The following RSRC1 variants were observed in gnomAD, a reference collection of about 807,000 sequenced individuals.
RSRC1 encodes serine/Arginine-related protein 53.
Under a neutral mutation model 49.1 loss-of-function variants are expected in RSRC1, and 39 were observed. The ratio of observed to expected loss-of-function variants is 0.79; its 90% CI spans 0.61 to 1.04. The LOEUF is 1.04. RSRC1 is among the 50% of genes least tolerant of loss of function. The pLI, the probability that RSRC1 is intolerant of heterozygous loss-of-function variation, is 0.00. For missense variants in RSRC1, 388 were observed against 402.4 expected, an observed-to-expected ratio of 0.96 and a Z score of 0.31; for synonymous variants, 143 against 130.8, an observed-to-expected ratio of 1.09 and a Z score of -0.63.
At chr3:158,247,563 G>A (rs966053818) in intron 4 of RSRC1, among the ~76,000 whole-genome samples, 1 of 152,064 alleles carries the variant, frequency 6.6e-6, no homozygotes, top group Admixed American at 6.6e-5. Context: ...CTGACCTTTG[G>A]ATGGGGTTTT....
chr3:158,469,418 G>T (rs1458639314), intron 7 of RSRC1: 2 of 436,918 alleles, frequency 4.6e-6, no homozygotes, highest in South Asian at 1.7e-5. Context: ...TATGATTCCT[G>T]TCTGTGGAAT....
chr3:158,509,744 A>G (rs1435890866), intron 7 of RSRC1, among the ~76,000 whole-genome samples: 1 of 152,236 alleles, frequency 6.6e-6, no homozygotes, highest in Non-Finnish European at 1.5e-5. Flanking sequence ...ATGGTATACC[A>G]TAGTGATAGT....
chr3:158,373,745 C>T (rs1732207068), intron 6 of RSRC1, among the ~76,000 whole-genome samples: 1 of 151,878 alleles, frequency 6.6e-6, no homozygotes, highest in South Asian at 2.1e-4. Flanking sequence ...ACCTTGTATT[C>T]CCCTGTAACT....
chr3:158,354,896 C>A lies in RSRC1; in HGVS notation c.571C>A (p.Leu191Ile). 1 of 1,541,086 alleles carries A rather than the reference C, an allele frequency of 6.5e-7. No homozygotes were observed. The highest frequency in any genetic ancestry group is 1.3e-5 in the South Asian group (1 of 79,966). ...GGCCAAAGCCAGACTACAGCTGGTTCTTGAAGCTGCTGGTAAGTGTTGATA... is the reference window on the plus strand; with the variant it reads ...GGCCAAAGCCAGACTACAGCTGGTTATTGAAGCTGCTGGTAAGTGTTGATA... Reference protein sequence around the residue: ...EQAKARLQLVLEAAAKADEAL... With the variant: ...EQAKARLQLVIEAAAKADEAL... The change falls in exon 6 of 10, where the codon CTT becomes ATT. Residue 191 changes from leucine (L) to isoleucine (I), a missense_variant. Transcript: ENST00000611884.
chr3:158,268,682 A>G (rs1725341591), intron 4 of RSRC1, among the ~76,000 whole-genome samples: 1 of 152,122 alleles, frequency 6.6e-6, no homozygotes, highest in African/African-American at 2.4e-5. Flanking sequence ...ATTTTTTACC[A>G]TGTTACTTAG....
intron 5 of RSRC1, among the ~76,000 whole-genome samples, chr3:158,304,443 C>T (rs1300125471): frequency 6.6e-6 from 1 of 152,038 alleles, no homozygotes; most frequent in Non-Finnish European, 1.5e-5. Flanking sequence ...ACAACATGAG[C>T]TAGAAAATGC....
At chr3:158,420,769 A>G (rs768999884) in intron 6 of RSRC1, among the ~76,000 whole-genome samples, 2 of 151,950 alleles carry the variant, frequency 1.3e-5, no homozygotes, top group African/African-American at 2.4e-5. Context: ...CAACAAAAAT[A>G]TAAAATAGCT....
At chr3:158,424,995 G>A (rs868685487) in intron 6 of RSRC1, among the ~76,000 whole-genome samples, 7 of 150,430 alleles carry the variant, frequency 4.7e-5, no homozygotes, top group African/African-American at 7.3e-5. Flanking sequence ...TCTTGCTAGC[G>A]GTCTATCAAT....
At chr3:158,286,474 G>A (rs772584221) in intron 4 of RSRC1, among the ~76,000 whole-genome samples, 1 of 152,158 alleles carries the variant, frequency 6.6e-6, no homozygotes, top group East Asian at 1.9e-4. Context: ...TTTCCTCACA[G>A]GTGGAATCTC....
chr3:158,324,370 T>C (rs934292875), intron 5 of RSRC1, among the ~76,000 whole-genome samples: 2 of 152,292 alleles, frequency 1.3e-5, no homozygotes, highest in Non-Finnish European at 1.5e-5. Flanking sequence ...CTCCTAATGC[T>C]TTCCCTCTGC....
At chr3:158,168,175 C>T (rs1469715855) in intron 3 of RSRC1, among the ~76,000 whole-genome samples, 4 of 152,152 alleles carry the variant, frequency 2.6e-5, no homozygotes, top group East Asian at 1.9e-4. Flanking sequence ...CCTCATCCCC[C>T]GCTCTCCACT....
rs760008198 is a variant in RSRC1 at position 158,543,466 on chromosome 3, C to T, written c.891C>T (p.Asp297=). Residue 297 remains aspartate (D), a synonymous_variant, in exon 9 of 10, where the codon GAC becomes GAT. Coordinates refer to ENST00000611884, the MANE Select transcript of RSRC1 (RefSeq NM_001271838.2). ...SIPTAIKYQD[D]NSLAHPNLFI... ...CTACTGCTATCAAGTACCAAGATGA[C>T]AATTCCCTGGCCCATCCAAATGTAA... is the stretch of plus-strand genomic sequence containing the variant. 3 of 1,609,194 alleles carry T rather than the reference C, an allele frequency of 1.9e-6. No individual in the cohort carries two copies. Among genetic ancestry groups the T allele is most frequent in the Non-Finnish European group, 2.5e-6 (3 of 1,177,752 alleles).
At chr3:158,332,013 T>TAA (rs1729575395) in intron 5 of RSRC1, among the ~76,000 whole-genome samples, 1 of 152,042 alleles carries the variant, frequency 6.6e-6, no homozygotes, top group Admixed American at 6.5e-5. Context: ...AAGTAGAACT[T>TAA]AATTTATGTC....
In RSRC1 at chr3:158,544,542, G is replaced by A. The variant is rs186676548; in HGVS notation, c.*267G>A. 3 of 236,184 alleles carry A rather than the reference G, an allele frequency of 1.3e-5. No homozygotes were observed. The highest frequency in any genetic ancestry group is 1.0e-4 in the South Asian group (1 of 9,760). The allele number at this position is 236,184 out of a possible 1,614,324, so 14.6% of individuals were successfully genotyped here. A position where few individuals can be genotyped will look rare whatever the true frequency, so the allele number is the denominator to read the frequency against. ...CATAAATAAGTCTGTTAAAATGAATGGTAGACACTAGTGTTTCTTAGTGCA... is the reference window on the plus strand; with the variant it reads ...CATAAATAAGTCTGTTAAAATGAATAGTAGACACTAGTGTTTCTTAGTGCA... On this transcript the variant is annotated 3_prime_UTR_variant, in exon 10 of 10. Coordinates refer to ENST00000611884, the MANE Select transcript of RSRC1 (RefSeq NM_001271838.2).
At chr3:158,354,535 A>G (rs966731854) in intron 5 of RSRC1, among the ~76,000 whole-genome samples, 1 of 152,200 alleles carries the variant, frequency 6.6e-6, no homozygotes, top group Non-Finnish European at 1.5e-5. Context: ...TTCTATGTGC[A>G]AAGAAATAAC....
In RSRC1 at chr3:158,384,923, C is replaced by T. The variant is rs548962322; in HGVS notation, c.583+30015C>T. On this transcript the variant is annotated intron_variant, in intron 6 of 9. Transcript: ENST00000611884. ...CCAGAAAGAGCAAATAAAGCTTATT[C>T]TAAGCATAGAACCTGATGGCAGCTG... Among the ~76,000 whole-genome samples, 7 of 152,038 alleles carry T rather than the reference C, an allele frequency of 4.6e-5. No individual in the cohort carries two copies. The East Asian group carries it at 1.2e-3, about 25-fold the overall frequency.
At chr3:158,297,253 A>C (rs1727285319) in intron 4 of RSRC1, among the ~76,000 whole-genome samples, 1 of 152,090 alleles carries the variant, frequency 6.6e-6, no homozygotes, top group Non-Finnish European at 1.5e-5. Flanking sequence ...GTACAGATTG[A>C]AATCAGAAAA....
intron 6 of RSRC1, among the ~76,000 whole-genome samples, chr3:158,425,142 T>C (rs987246128): frequency 1.1e-4 from 16 of 152,104 alleles, no homozygotes; most frequent in Non-Finnish European, 2.1e-4. Context: ...TGTTTGCTCT[T>C]GCTTTTCTAG....
intron 6 of RSRC1, among the ~76,000 whole-genome samples, chr3:158,386,175 C>T (rs2108287436): frequency 6.6e-6 from 1 of 151,946 alleles, no homozygotes; most frequent in Admixed American, 6.6e-5. Flanking sequence ...TAAAAAAAGG[C>T]ATTTTTTAAA....
Sources: allele counts gnomAD v4.1 joint callset (sites outside exome capture counted in the v4.1 genomes callset), GRCh38; gene constraint gnomAD v4.1.1; transcripts MANE v1.5; gene names NCBI Gene and HGNC (gene_info 2026-07-23, HGNC 2026-07-21).